SPTLC3: variants seen among roughly 807,000 people sequenced by gnomAD.
SPTLC3 encodes the protein serine palmitoyltransferase 3.
SPTLC3 carries 36 observed loss-of-function variants against 59.3 expected under a neutral mutation model. That is an observed-to-expected ratio of 0.61 (90% CI 0.47 to 0.80). The LOEUF (loss-of-function observed/expected upper bound fraction) is 0.80, where lower values mean the gene tolerates loss of function less well. SPTLC3 is among the 30% of genes least tolerant of loss of function. SPTLC3 has a pLI of 0.00. For synonymous variants in SPTLC3, 257 were observed against 240.8 expected (o/e 1.07, Z -0.62); for missense variants, 625 against 685.1 (o/e 0.91, Z 0.98).
At chr20:13,078,116 ATAT>A (rs1362521989) in intron 4 of SPTLC3, among the ~76,000 whole-genome samples, 1 of 148,228 alleles carries the variant, frequency 6.7e-6, no homozygotes, top group African/African-American at 2.4e-5. Context: ...AATATAAATA[ATAT>A]TATTACTTAT....
intron 8 of SPTLC3, among the ~76,000 whole-genome samples, chr20:13,119,073 T>C (rs1990754629): frequency 6.6e-6 from 1 of 152,226 alleles, no homozygotes; most frequent in Non-Finnish European, 1.5e-5. Flanking sequence ...AAAGGTTAAA[T>C]GTTCCCTTCC....
At chr20:13,028,144 T>C (rs77521898) in intron 1 of SPTLC3, among the ~76,000 whole-genome samples, 8,377 of 152,290 alleles carry the variant, frequency 0.055, 273 homozygotes, top group South Asian at 0.084. Flanking sequence ...CCTACTTTGA[T>C]AATTAGTCCT....
chr20:13,031,639 T>C (rs946126356), intron 1 of SPTLC3, among the ~76,000 whole-genome samples: 2 of 152,188 alleles, frequency 1.3e-5, no homozygotes, highest in African/African-American at 2.4e-5. Context: ...CACTAGCCCA[T>C]GACCTCCATG....
intron 10 of SPTLC3, 120 bp from the exon 11 acceptor site, chr20:13,159,883 T>C (rs981650653): frequency 7.5e-7 from 1 of 1,329,704 alleles, no homozygotes; most frequent in East Asian, 2.5e-5. Context: ...CCACTTATTA[T>C]CATAAAAAAG....
intron 6 of SPTLC3, among the ~76,000 whole-genome samples, chr20:13,108,852 T>C (rs1479457159): frequency 6.6e-6 from 1 of 152,182 alleles, no homozygotes; most frequent in Non-Finnish European, 1.5e-5. Context: ...TAAATGGTGT[T>C]TCTAATGCCT....
intron 3 of SPTLC3, among the ~76,000 whole-genome samples, chr20:13,072,773 T>G (rs1380229034): frequency 6.6e-6 from 1 of 152,200 alleles, no homozygotes; most frequent in Non-Finnish European, 1.5e-5. Context: ...TTGCTAGAAT[T>G]TAAACCAGAG....
chr20:13,110,290 T>G, intron 7 of SPTLC3, 73 bp downstream of exon 7: 1 of 1,253,700 alleles, frequency 8.0e-7, no homozygotes, highest in Non-Finnish European at 1.1e-6. Flanking sequence ...AAGGCTCACC[T>G]TTCCTAGCTA....
intron 1 of SPTLC3, among the ~76,000 whole-genome samples, chr20:13,019,440 T>A (rs1985747269): frequency 6.6e-6 from 1 of 152,090 alleles, no homozygotes. Flanking sequence ...TTAGGAAAAA[T>A]GGCTCAGAGA....
At chr20:13,081,989 C>T (rs773988236) in intron 4 of SPTLC3, among the ~76,000 whole-genome samples, 5 of 152,148 alleles carry the variant, frequency 3.3e-5, no homozygotes, top group African/African-American at 4.8e-5. Context: ...TGCCCTTCTC[C>T]TGACCGTGAT....
chr20:13,043,600 T>C (rs1017320470), intron 1 of SPTLC3, among the ~76,000 whole-genome samples: 5 of 152,218 alleles, frequency 3.3e-5, no homozygotes, highest in African/African-American at 1.2e-4. Context: ...CAGTCACATG[T>C]GCTCTTCATC....
At position 13,164,902 on chromosome 20, in the gene SPTLC3, C is replaced by T. The variant is rs371448672; in HGVS notation, c.*35C>T. 25 of 1,523,328 alleles carry T rather than the reference C, an allele frequency of 1.6e-5. No individual in the cohort carries two copies. In the East Asian group the frequency reaches 3.5e-4, roughly 21 times the overall value. 94.4% of individuals were successfully genotyped at this position (1,523,328 alleles called of 1,614,324 possible). On this transcript the variant is annotated 3_prime_UTR_variant, in exon 12 of 12. Coordinates refer to ENST00000399002, the MANE Select transcript of SPTLC3 (RefSeq NM_018327.4). ...TCCTGAATGACACATAAAGACTTTG[C>T]GAGAAAGACCTCCCTCCTTGCCTCA...
intron 1 of SPTLC3, among the ~76,000 whole-genome samples, chr20:13,039,798 G>A (rs930766657): frequency 2.0e-5 from 3 of 151,126 alleles, no homozygotes; most frequent in Admixed American, 6.6e-5. Context: ...GTTGCTCTAC[G>A]GCTTGCCATA....
At chr20:13,126,824 T>C in intron 9 of SPTLC3, 107 bp downstream of exon 9, 1 of 1,407,294 alleles carries the variant, frequency 7.1e-7, no homozygotes, top group South Asian at 1.6e-5. Flanking sequence ...AGAACCCTAT[T>C]TGTAAATCAA....
chr20:13,069,170 T>A (rs1473843005), intron 2 of SPTLC3, among the ~76,000 whole-genome samples: 1 of 152,128 alleles, frequency 6.6e-6, no homozygotes, highest in Non-Finnish European at 1.5e-5. Flanking sequence ...GTTTTCCATA[T>A]CACGGGCCAG....
At chr20:13,158,169 C>T (rs1600406042) in intron 10 of SPTLC3, among the ~76,000 whole-genome samples, 1 of 152,194 alleles carries the variant, frequency 6.6e-6, no homozygotes. Flanking sequence ...AGTGATTCTG[C>T]ATACAATGCA....
Position 13,130,313 on chromosome 20 carries a change from C to G in SPTLC3, c.1279+3596C>G, listed in dbSNP as rs182437840. On this transcript the variant is annotated intron_variant, in intron 9 of 11. Transcript: ENST00000399002. ...TCATGCAAGAGCTGCCTTACAGGATCTGAGAAAGAGAAGCCGGGCTCTGAG... is the reference window on the plus strand; with the variant it reads ...TCATGCAAGAGCTGCCTTACAGGATGTGAGAAAGAGAAGCCGGGCTCTGAG... 7.9e-5 allele frequency among the ~76,000 whole-genome samples: 12 copies of G among 152,338 alleles called. No individual in the cohort carries two copies. The East Asian group carries it at 1.9e-3, about 25-fold the overall frequency.
In SPTLC3 at chr20:13,082,559, G is replaced by A. The variant is rs142777284; in HGVS notation, c.607+8062G>A. The stretch of plus-strand genomic sequence containing the variant: ...ATCACAGCCACACCCACTATTTTGT[G>A]TATTGTCTGACTGCTTTCACTTTAC... On this transcript the variant is annotated intron_variant, in intron 4 of 11. Coordinates refer to ENST00000399002, the MANE Select transcript of SPTLC3 (RefSeq NM_018327.4). 4.6e-3 allele frequency among the ~76,000 whole-genome samples: 640 copies of A among 139,858 alleles called. 6 individuals are homozygous for A. The highest frequency in any genetic ancestry group is 7.1e-3 in the Non-Finnish European group (439 of 62,056). The allele number at this position is 139,858 out of a possible 152,430, so 91.8% of individuals were successfully genotyped here. A position where few individuals can be genotyped will look rare whatever the true frequency, so the allele number is the denominator to read the frequency against.
chr20:13,044,235 G>A (rs1163657738), intron 1 of SPTLC3, among the ~76,000 whole-genome samples: 3 of 151,740 alleles, frequency 2.0e-5, no homozygotes, highest in African/African-American at 2.4e-5. Context: ...TGAGTAGCTG[G>A]GATTACAGGT....
At chr20:13,074,890 G>A (rs983350284) in intron 4 of SPTLC3, among the ~76,000 whole-genome samples, 2 of 152,180 alleles carry the variant, frequency 1.3e-5, no homozygotes, top group Non-Finnish European at 2.9e-5. Flanking sequence ...TGAGAAGAGG[G>A]ATTGGACTTG....
Sources: gnomAD v4.1 joint callset for allele counts (sites outside exome capture counted in the v4.1 genomes callset) on GRCh38, gnomAD v4.1.1 for gene constraint, MANE v1.5 for transcripts, NCBI Gene and HGNC (gene_info 2026-07-23, HGNC 2026-07-21) for gene names.